Variants in SPATA31D1 observed in about 807,000 individuals in gnomAD.
SPATA31D1 encodes the protein spermatogenesis-associated protein 31D1.
SPATA31D1 carries 6 observed loss-of-function variants against 13.2 expected under a neutral mutation model. The observed-to-expected ratio is 0.46, with a 90% CI of 0.25 to 0.90. The LOEUF is 0.90. Ranked by LOEUF, SPATA31D1 falls within the 40% of genes least tolerant of loss-of-function variation. The pLI is 0.18. For missense variants in SPATA31D1, 2,445 were observed against 1,884.7 expected (o/e 1.30, Z -5.50); for synonymous variants, 903 against 718.8 (o/e 1.26, Z -4.10).
In SPATA31D1 at chr9:81,992,477, G is replaced by T. The variant is rs536287199; in HGVS notation, c.2007G>T (p.Pro669=). 3.1e-6 allele frequency: 5 copies of T among 1,611,962 alleles called. No individual in the cohort carries two copies. Among genetic ancestry groups the T allele is most frequent in the Non-Finnish European group, 4.2e-6 (5 of 1,179,738 alleles). Residue 669 remains proline (P), a synonymous_variant, in exon 4 of 4, where the codon CCG becomes CCT. Coordinates refer to ENST00000344803, the MANE Select transcript of SPATA31D1 (RefSeq NM_001001670.3). ...LVRKSFKVHV[P]ISIIPGDFPL... ...GAAAGTCCTTCAAGGTCCATGTTCC[G>T]ATCTCCATCATTCCTGGAGATTTTC...
rs773857998 is a variant in SPATA31D1 at position 81,991,180 on chromosome 9, A to C, written c.710A>C (p.His237Pro). 1.1e-5 allele frequency: 18 copies of C among 1,613,708 alleles called. No homozygotes were observed. In the East Asian group the frequency reaches 2.5e-4, roughly 22 times the overall value. ...TTGGATTCCAAGTTCCCCATAGACC[A>C]TTCCCCACCCCAACAGCTTCCCTTT... The part of the protein sequence containing the change: ...SPLDSKFPID[H>P]SPPQQLPFPL... The change falls in exon 4 of 4, where the codon CAT becomes CCT. Residue 237 changes from histidine to proline, a missense_variant. His to Pro is a moderately conservative substitution (Grantham distance 77, BLOSUM62 -2). Transcript: ENST00000344803.
rs145818514 is a variant in SPATA31D1, at chr9:81,989,902, T to A, written c.232+79T>A. On this transcript the variant is annotated intron_variant, in intron 2 of 3. Transcript: ENST00000344803. ...CATGATGACTCAGTCCCATGATTTC[T>A]TAGAATGTCAGTTACTAGATGCAGT... The A allele has an allele frequency of 4.5e-4, 674 of 1,510,502 alleles. 9 individuals are homozygous for A. In the East Asian group the frequency reaches 0.015, roughly 33 times the overall value. The allele number at this position is 1,510,502 out of a possible 1,614,324, so 93.6% of individuals were successfully genotyped here. A position where few individuals can be genotyped will look rare whatever the true frequency, so the allele number is the denominator to read the frequency against.
intron 2 of SPATA31D1, 110 bp downstream of exon 2, chr9:81,989,933 A>C: frequency 3.2e-6 from 4 of 1,268,386 alleles, no homozygotes; most frequent in Non-Finnish European, 4.4e-6. Context: ...GCAGTCTTAG[A>C]AAACAGAGCC....
intron 1 of SPATA31D1, among the ~76,000 whole-genome samples, chr9:81,989,491 G>C (rs1304435402): frequency 2.6e-5 from 4 of 152,178 alleles, no homozygotes; most frequent in African/African-American, 9.6e-5. Flanking sequence ...CCATGAGGGA[G>C]CACAGATGTG....
rs1264403554 is a variant in SPATA31D1, at chr9:81,990,461, A to G, written c.277A>G (p.Arg93Gly). 3 of 1,608,568 alleles carry G rather than the reference A, an allele frequency of 1.9e-6. No individual in the cohort carries two copies. The highest frequency in any genetic ancestry group is 3.4e-5 in the Admixed American group (2 of 59,414). The change falls in exon 3 of 4, where the codon AGG (arginine) becomes GGG (glycine). Residue 93 changes from arginine (R) to glycine (G), a missense_variant. Coordinates refer to ENST00000344803, the MANE Select transcript of SPATA31D1 (RefSeq NM_001001670.3). Reference protein sequence around the residue: ...KSFQREEEEERKLLSLLKSFG... With the variant: ...KSFQREEEEEGKLLSLLKSFG... ...TTTCCAGAGAGAAGAGGAAGAGGAA[A>G]GGAAGCTGCTTTCTCTTCTGAAAAG...
Position 81,993,722 on chromosome 9 carries a change from T to C in SPATA31D1, c.3252T>C (p.Asp1084=), listed in dbSNP as rs1825031693. 1.2e-6 allele frequency: 2 copies of C among 1,613,884 alleles called. No individual in the cohort carries two copies. The highest frequency in any genetic ancestry group is 1.1e-5 in the South Asian group (1 of 91,086). The change falls in exon 4 of 4, where the codon GAT becomes GAC. Residue 1084 remains aspartate (D), a synonymous_variant. Transcript: ENST00000344803. Reference sequence around the variant, plus strand: ...CAGAAAGTGTCCGGACAACAGAGGATGGCAGACAGACTTTTCTGCCCCCGC... The same window carrying C: ...CAGAAAGTGTCCGGACAACAGAGGACGGCAGACAGACTTTTCTGCCCCCGC... ...DLTESVRTTE[D]GRQTFLPPPH...
Position 81,992,852 on chromosome 9 carries a change from C to G in SPATA31D1, c.2382C>G (p.Asp794Glu), listed in dbSNP as rs1027176653. The change falls in exon 4 of 4, where the codon GAC becomes GAG. Residue 794 changes from aspartate to glutamate, a missense_variant. Transcript: ENST00000344803. ...TGCATGGTCCGGAGACTTCTTCAGACAAGGATCTGAGGTCTAACTCTGAGA... is the reference window on the plus strand; with the variant it reads ...TGCATGGTCCGGAGACTTCTTCAGAGAAGGATCTGAGGTCTAACTCTGAGA... ...HLLHGPETSS[D>E]KDLRSNSERD... 5.0e-6 allele frequency: 8 copies of G among 1,613,644 alleles called. No homozygotes were observed. The highest frequency in any genetic ancestry group is 2.7e-5 in the African/African-American group (2 of 74,926).
chr9:81,990,425 G>C lies in SPATA31D1; in HGVS notation c.241G>C (p.Asp81His). 6.2e-7 allele frequency: 1 copy of C among 1,606,120 alleles called. No individual in the cohort carries two copies. Among genetic ancestry groups the C allele is most frequent in the Non-Finnish European group, 8.5e-7 (1 of 1,176,002 alleles). ...TATAACATACTATTCAGGTTTCCCA[G>C]ACTGGAAAAGTTTCCAGAGAGAAGA... Reference protein sequence around the residue: ...RKGGTFKGFPDWKSFQREEEE... With the variant: ...RKGGTFKGFPHWKSFQREEEE... Residue 81 changes from aspartate (D) to histidine (H), a missense_variant, in exon 3 of 4, where the codon GAC becomes CAC. Asp to His is a moderately conservative substitution (Grantham distance 81). Coordinates refer to ENST00000344803, the MANE Select transcript of SPATA31D1 (RefSeq NM_001001670.3).
intron 2 of SPATA31D1, chr9:81,990,027 A>G: frequency 1.7e-6 from 1 of 597,938 alleles, no homozygotes; most frequent in East Asian, 3.0e-5. Context: ...GGCAGGACAA[A>G]GTGATGGACC....
At position 81,991,126 on chromosome 9, in the gene SPATA31D1, A is replaced by ACC. The variant is rs1824949846; in HGVS notation, c.658_659dup (p.Pro222CysfsTer15). The ACC allele has an allele frequency of 6.2e-7, 1 of 1,613,394 alleles. No homozygotes were observed. Among genetic ancestry groups the ACC allele is most frequent in the African/African-American group, 1.3e-5 (1 of 74,808 alleles). On this transcript the variant is annotated frameshift_variant, in exon 4 of 4. Transcript: ENST00000344803. LOFTEE classifies it low-confidence loss of function (END_TRUNC). ...TTATTTTCACCCTCACCACTGAGGG[A>ACC]CCCTCTGCCACCACAGCCTGTTTCT...
In SPATA31D1 at chr9:81,995,184, T is replaced by C; in HGVS notation, c.4714T>C (p.Phe1572Leu). Residue 1572 changes from phenylalanine to leucine, a missense_variant, in exon 4 of 4, where the codon TTT (phenylalanine) becomes CTT (leucine). By Grantham distance (22) the Phe-to-Leu change is conservative (BLOSUM62 0). Transcript: ENST00000344803. The part of the protein sequence containing the change: ...MLPKHLQGGK[F>L]PPTK Reference sequence around the variant, plus strand: ...TCCAAAGCATTTACAGGGAGGAAAATTTCCCCCCACAAAATAATTCACTCC... The same window carrying C: ...TCCAAAGCATTTACAGGGAGGAAAACTTCCCCCCACAAAATAATTCACTCC... 6.5e-7 allele frequency: 1 copy of C among 1,530,342 alleles called. No homozygotes were observed. The highest frequency in any genetic ancestry group is 8.8e-7 in the Non-Finnish European group (1 of 1,137,272). 94.8% of individuals were successfully genotyped at this position (1,530,342 alleles called of 1,614,324 possible). A position where few individuals can be genotyped will look rare whatever the true frequency, so the allele number is the denominator to read the frequency against.
rs375488553 is a variant in SPATA31D1, at chr9:81,993,807, G to A, written c.3337G>A (p.Ala1113Thr). The A allele has an allele frequency of 4.5e-4, 725 of 1,614,004 alleles. 5 individuals carry two copies. The South Asian group carries it at 6.8e-3, about 15-fold the overall frequency. The change falls in exon 4 of 4, where the codon GCA (alanine) becomes ACA (threonine). Residue 1113 changes from alanine to threonine, a missense_variant. Coordinates refer to ENST00000344803, the MANE Select transcript of SPATA31D1 (RefSeq NM_001001670.3). ...KQTVLASRCSAELPIMQAGAG... is the reference protein window; with the variant it reads ...KQTVLASRCSTELPIMQAGAG... The stretch of plus-strand genomic sequence containing the variant: ...GACTGTACTGGCCAGTAGATGCAGC[G>A]CAGAGCTGCCCATAATGCAAGCTGG...
Position 81,992,887 on chromosome 9 carries a change from A to T in SPATA31D1, c.2417A>T (p.Glu806Val). ...AGGTCTAACTCTGAGAGAGACCTAGAAACTCATATGATGCATCTGTCAGGG... is the reference window on the plus strand; with the variant it reads ...AGGTCTAACTCTGAGAGAGACCTAGTAACTCATATGATGCATCTGTCAGGG... ...DLRSNSERDL[E>V]THMMHLSGND... is the part of the protein sequence containing the mutation. The change falls in exon 4 of 4, where the codon GAA (glutamate) becomes GTA (valine). Residue 806 changes from glutamate (E) to valine (V), a missense_variant. Physicochemically the swap from Glu to Val is moderately radical, Grantham distance 121. Transcript: ENST00000344803. The T allele has an allele frequency of 6.2e-7, 1 of 1,613,830 alleles. No individual in the cohort carries two copies. Among genetic ancestry groups the T allele is most frequent in the East Asian group, 2.2e-5 (1 of 44,876 alleles).
chr9:81,990,034 G>C (rs1174271441), intron 2 of SPATA31D1: 7 of 581,072 alleles, frequency 1.2e-5, no homozygotes, highest in African/African-American at 1.9e-5. Context: ...CAAAGTGATG[G>C]ACCTGAGCAA....
At chr9:81,987,467 C>T (rs762550248), upstream of SPATA31D1, among the ~76,000 whole-genome samples, 67 of 152,224 alleles carry the variant, frequency 4.4e-4, no homozygotes, top group Non-Finnish European at 6.3e-4. Context: ...GTTCCCAGGT[C>T]GCAATCCTCA....
At position 81,989,119 on chromosome 9, in the gene SPATA31D1, C is replaced by G. The variant is rs570768182; in HGVS notation, c.186+115C>G. 4.8e-5 allele frequency: 69 copies of G among 1,440,288 alleles called. No individual in the cohort carries two copies. The East Asian group carries it at 1.6e-3, about 33-fold the overall frequency. The allele number at this position is 1,440,288 out of a possible 1,614,324, so 89.2% of individuals were successfully genotyped here. ...CAGAGACATGTTTTAGATGGGAAGTCTGAAGAGAGGATAGAACTTCACTCT... is the reference window on the plus strand; with the variant it reads ...CAGAGACATGTTTTAGATGGGAAGTGTGAAGAGAGGATAGAACTTCACTCT... On this transcript the variant is annotated intron_variant, in intron 1 of 3. Transcript: ENST00000344803.
At position 81,991,480 on chromosome 9, in the gene SPATA31D1, C is replaced by T; in HGVS notation, c.1010C>T (p.Ser337Phe). The part of the protein sequence containing the change: ...MLSLGGSGGS[S>F]TSAPTIKGID... ...TCTCTAGGTGGCTCTGGTGGGTCAT[C>T]CACCTCTGCCCCAACAATCAAAGGC... Residue 337 changes from serine (S) to phenylalanine (F), a missense_variant, in exon 4 of 4, where the codon TCC (serine) becomes TTC (phenylalanine). Coordinates refer to ENST00000344803, the MANE Select transcript of SPATA31D1 (RefSeq NM_001001670.3). 6.2e-7 allele frequency: 1 copy of T among 1,614,018 alleles called. No individual in the cohort carries two copies. The highest frequency in any genetic ancestry group is 8.5e-7 in the Non-Finnish European group (1 of 1,179,904).
rs775718813 is a variant in SPATA31D1 at position 81,992,116 on chromosome 9, C to A, written c.1646C>A (p.Pro549His). The change falls in exon 4 of 4, where the codon CCT becomes CAT. Residue 549 changes from proline (P) to histidine (H), a missense_variant. Pro to His is a moderately conservative substitution (Grantham distance 77). Transcript: ENST00000344803. ...TCCCATGAATCCCCAGTACTTCCCC[C>A]TCCCCAACCTCTGTCCTTGCCTAGT... ...SISHESPVLP[P>H]PQPLSLPSTQ... 2 of 1,613,760 alleles carry A rather than the reference C, an allele frequency of 1.2e-6. No individual in the cohort carries two copies. The highest frequency in any genetic ancestry group is 2.7e-5 in the African/African-American group (2 of 75,038).
Position 81,995,131 on chromosome 9 carries a change from T to C in SPATA31D1, c.4661T>C (p.Val1554Ala). Residue 1554 changes from valine (V) to alanine (A), a missense_variant, in exon 4 of 4, where the codon GTG (valine) becomes GCG (alanine). Coordinates refer to ENST00000344803, the MANE Select transcript of SPATA31D1 (RefSeq NM_001001670.3). ...TSAKSPVFSD[V>A]PFLTGQKMLP... The stretch of plus-strand genomic sequence containing the variant: ...GCTAAAAGCCCTGTGTTTAGTGATG[T>C]GCCTTTCCTAACTGGACAGAAAATG... 1 of 1,600,904 alleles carries C rather than the reference T, an allele frequency of 6.2e-7. No homozygotes were observed. Among genetic ancestry groups the C allele is most frequent in the Non-Finnish European group, 8.5e-7 (1 of 1,173,156 alleles).
Sources: gnomAD v4.1 joint callset for allele counts (sites outside exome capture counted in the v4.1 genomes callset) on GRCh38, gnomAD v4.1.1 for gene constraint, MANE v1.5 for transcripts, NCBI Gene and HGNC (gene_info 2026-07-23, HGNC 2026-07-21) for gene names.